The following HEATR5B variants were observed in gnomAD, a reference collection of about 807,000 sequenced individuals.
The protein encoded by HEATR5B is HEAT repeat containing 5B.
Under a neutral mutation model 224.1 loss-of-function variants are expected in HEATR5B, and 156 were observed. The ratio of observed to expected loss-of-function variants is 0.70; its 90% CI spans 0.61 to 0.80. The LOEUF is 0.80. Among genes scored for constraint, HEATR5B ranks in the 30% least tolerant of loss-of-function variants. The probability of loss-of-function intolerance (pLI) is 0.00; values close to 1 mark genes in which losing one functional copy is unlikely to be tolerated. For missense variants in HEATR5B, 2,323 were observed against 2,535.5 expected (o/e 0.92, Z 1.80); for synonymous variants, 1,027 against 893.0 (o/e 1.15, Z -2.68).
intron 9 of HEATR5B, 93 bp downstream of exon 9, chr2:37,065,662 T>A (rs1671545477): frequency 9.4e-7 from 1 of 1,065,148 alleles, no homozygotes; most frequent in Non-Finnish European, 1.4e-6. Context: ...GTGCTAATGA[T>A]GATGATAAGC....
At chr2:36,999,541 C>T (rs185459649) in intron 33 of HEATR5B, among the ~76,000 whole-genome samples, 3 of 151,320 alleles carry the variant, frequency 2.0e-5, no homozygotes, top group East Asian at 2.0e-4. Flanking sequence ...TAGCCAGGCA[C>T]GGTTGCGCAC....
At chr2:37,019,276 T>C (rs917037380) in intron 26 of HEATR5B, among the ~76,000 whole-genome samples, 1 of 152,116 alleles carries the variant, frequency 6.6e-6, no homozygotes, top group African/African-American at 2.4e-5. Context: ...TATTGTGAAA[T>C]TCTCCTTAGT....
At position 37,079,181 on chromosome 2, in the gene HEATR5B, C is replaced by CA; in HGVS notation, c.276dup (p.Asp93Ter). ...TTTCTGATAATGTCATTGCATTTATCAAGTGTCTGAAAAACTGTGAAAGTA... is the reference window on the plus strand; with the variant it reads ...TTTCTGATAATGTCATTGCATTTATCAAAGTGTCTGAAAAACTGTGAAAGTA... On this transcript the variant is annotated frameshift_variant, in exon 3 of 36. Transcript: ENST00000233099. LOFTEE classifies it high-confidence loss of function. The CA allele has an allele frequency of 6.2e-7, 1 of 1,611,192 alleles. No homozygotes were observed. The highest frequency in any genetic ancestry group is 8.5e-7 in the Non-Finnish European group (1 of 1,177,828).
chr2:37,019,190 G>A (rs1008738764), intron 26 of HEATR5B, among the ~76,000 whole-genome samples: 1 of 151,482 alleles, frequency 6.6e-6, no homozygotes, highest in Admixed American at 6.6e-5. Flanking sequence ...TACGTTTTTT[G>A]GTGGTTTTGT....
intron 34 of HEATR5B, among the ~76,000 whole-genome samples, chr2:36,989,389 C>T (rs1161531445): frequency 6.6e-6 from 1 of 152,074 alleles, no homozygotes; most frequent in Admixed American, 6.6e-5. Flanking sequence ...CGGCCAATTC[C>T]CATATTTTAA....
chr2:37,018,438 T>A (rs1668260624), intron 26 of HEATR5B, among the ~76,000 whole-genome samples: 2 of 152,200 alleles, frequency 1.3e-5, no homozygotes, highest in South Asian at 2.1e-4. Context: ...AAGGTTTGCA[T>A]CACGATCCAG....
intron 35 of HEATR5B, among the ~76,000 whole-genome samples, chr2:36,985,929 T>A (rs1488873001): frequency 6.6e-6 from 1 of 152,092 alleles, no homozygotes; most frequent in Non-Finnish European, 1.5e-5. Context: ...TATTTAATTA[T>A]ACAAATGATA....
At chr2:37,083,260 G>C (rs762471958) in intron 2 of HEATR5B, 29 bp downstream of exon 2, 1 of 1,612,328 alleles carries the variant, frequency 6.2e-7, no homozygotes, top group Admixed American at 1.7e-5. Context: ...TCACGTTAAT[G>C]CAACTGGGAA....
chr2:37,076,101 A>T (rs1672211716), intron 4 of HEATR5B: 1 of 151,464 alleles, frequency 6.6e-6, no homozygotes. Context: ...AAACTGTTAT[A>T]TCCATATTCT....
rs1229558511 is a variant in HEATR5B, at chr2:37,028,670, T to C, written c.3601+11A>G. On this transcript the variant is annotated intron_variant, in intron 23 of 35. Transcript: ENST00000233099. Reference sequence around the variant, plus strand: ...TTTCCATTATTTTAAGAACGCACATTAAATACTTACCACTAGAAGCTGCCA... The same window carrying C: ...TTTCCATTATTTTAAGAACGCACATCAAATACTTACCACTAGAAGCTGCCA... 1.2e-6 allele frequency: 2 copies of C among 1,612,746 alleles called. No individual in the cohort carries two copies. The highest frequency in any genetic ancestry group is 1.7e-6 in the Non-Finnish European group (2 of 1,179,148).
At chr2:37,060,917 A>G (rs967045457) in intron 11 of HEATR5B, among the ~76,000 whole-genome samples, 184 bp from the exon 12 acceptor site, 1 of 152,182 alleles carries the variant, frequency 6.6e-6, no homozygotes, top group African/African-American at 2.4e-5. Flanking sequence ...ATTATTTTCA[A>G]CCTTTATTCA....
chr2:37,059,000 T>C lies in HEATR5B; in HGVS notation c.1850-13A>G, dbSNP rs750664761. The C allele has an allele frequency of 6.5e-7, 1 of 1,549,566 alleles. No individual in the cohort carries two copies. Among genetic ancestry groups the C allele is most frequent in the Non-Finnish European group, 8.9e-7 (1 of 1,127,948 alleles). The stretch of plus-strand genomic sequence containing the variant: ...AAGCTCCTCATGGCTAGATAAAATG[T>C]TTAAAAGGACAGATTTGGAGTAGCT... On this transcript the variant is annotated splice_polypyrimidine_tract_variant and intron_variant, in intron 12 of 35. Coordinates refer to ENST00000233099, the MANE Select transcript of HEATR5B (RefSeq NM_019024.3).
At chr2:37,043,894 CA>C (rs942896446) in intron 18 of HEATR5B, among the ~76,000 whole-genome samples, 2 of 152,022 alleles carry the variant, frequency 1.3e-5, no homozygotes, top group Non-Finnish European at 2.9e-5. Flanking sequence ...CTCCAGAAGA[CA>C]AAAAGGAAAC....
chr2:36,989,128 C>T (rs1666148790), intron 34 of HEATR5B, among the ~76,000 whole-genome samples: 1 of 152,192 alleles, frequency 6.6e-6, no homozygotes, highest in Non-Finnish European at 1.5e-5. Context: ...GCTCTGTCGC[C>T]AGGCTAGAGT....
At chr2:37,073,227 T>A (rs1182718632) in intron 5 of HEATR5B, among the ~76,000 whole-genome samples, 1 of 152,166 alleles carries the variant, frequency 6.6e-6, no homozygotes, top group East Asian at 1.9e-4. Flanking sequence ...AATACAATAA[T>A]ATATAATAAG....
intron 33 of HEATR5B, among the ~76,000 whole-genome samples, chr2:36,999,089 T>G (rs1056601113): frequency 3.9e-4 from 59 of 151,816 alleles, no homozygotes; most frequent in Admixed American, 9.9e-4. Flanking sequence ...GGTGCGTGCC[T>G]GTAATCCCAG....
chr2:37,036,378 T>A (rs900228899), intron 21 of HEATR5B, among the ~76,000 whole-genome samples: 5 of 152,250 alleles, frequency 3.3e-5, no homozygotes, highest in Non-Finnish European at 7.3e-5. Flanking sequence ...GCTCTTTAAA[T>A]GTATGACAGC....
chr2:37,019,182 C>T (rs1015907001), intron 26 of HEATR5B, among the ~76,000 whole-genome samples: 1 of 151,360 alleles, frequency 6.6e-6, no homozygotes, highest in Non-Finnish European at 1.5e-5. Context: ...AGAAAATGTA[C>T]GTTTTTTGGT....
chr2:37,002,481 T>A lies in HEATR5B; in HGVS notation c.5142A>T (p.Ala1714=). Reference sequence around the variant, plus strand: ...AAATGAACATCAGCAGCTCCATAGTTGCAAACACAAGAGATTTTCCAGGAA... The same window carrying A: ...AAATGAACATCAGCAGCTCCATAGTAGCAAACACAAGAGATTTTCCAGGAA... ...GLIPGKSLVF[A]TMELLMFILV... The change falls in exon 32 of 36, where the codon GCA becomes GCT. Residue 1714 remains alanine, a synonymous_variant. Transcript: ENST00000233099. The A allele has an allele frequency of 6.2e-7, 1 of 1,614,230 alleles. No homozygotes were observed. The highest frequency in any genetic ancestry group is 8.5e-7 in the Non-Finnish European group (1 of 1,180,032).
Sources: allele counts gnomAD v4.1 joint callset (sites outside exome capture counted in the v4.1 genomes callset), GRCh38; gene constraint gnomAD v4.1.1; transcripts MANE v1.5; gene names NCBI Gene and HGNC (gene_info 2026-07-23, HGNC 2026-07-21).